Variants in MTDH observed in about 807,000 individuals in gnomAD.
The protein encoded by MTDH is metadherin.
Under a neutral mutation model 72.7 loss-of-function variants are expected in MTDH, and 34 were observed. That is an observed-to-expected ratio of 0.47 (90% confidence interval 0.36 to 0.62). The LOEUF is 0.62. MTDH is among the 20% of genes least tolerant of loss of function. MTDH has a pLI of 0.00. For missense variants in MTDH, 677 were observed against 699.4 expected (o/e 0.97, Z 0.36); for synonymous variants, 266 against 268.9 (o/e 0.99, Z 0.10).
chr8:97,658,878 T>C (rs1245173526), intron 1 of MTDH, among the ~76,000 whole-genome samples: 3 of 152,146 alleles, frequency 2.0e-5, no homozygotes, highest in African/African-American at 4.8e-5. Flanking sequence ...GTGTGGTGGC[T>C]CACACCTGTA....
At position 97,672,927 on chromosome 8, in the gene MTDH, TAATTTA is replaced by T. The variant is rs531690801; in HGVS notation, c.483+11756_483+11761del. Among the ~76,000 whole-genome samples the T allele has an allele frequency of 2.4e-3, 363 of 152,314 alleles. 17 individuals carry two copies. In the South Asian group the frequency reaches 0.073, roughly 31 times the overall value. On this transcript the variant is annotated intron_variant, in intron 2 of 11. Transcript: ENST00000336273. ...TGAGCCCACTCCAGACATATTTAAA[TAATTTA>T]ATGACTTGGACGATGGATCATGTAT... is the stretch of plus-strand genomic sequence containing the variant.
rs186349879 is a variant in MTDH at position 97,665,458 on chromosome 8, C to A, written c.483+4285C>A. 1.2e-4 allele frequency among the ~76,000 whole-genome samples: 18 copies of A among 152,038 alleles called. No homozygotes were observed. The East Asian group carries it at 3.3e-3, about 28-fold the overall frequency. On this transcript the variant is annotated intron_variant, in intron 2 of 11. Transcript: ENST00000336273. ...TAATAAAAATGTAAGATGTACTTACCCTCAGATTACAGGCTAGTTAAGGAA... is the reference window on the plus strand; with the variant it reads ...TAATAAAAATGTAAGATGTACTTACACTCAGATTACAGGCTAGTTAAGGAA...
At chr8:97,661,918 C>CA (rs11440340) in intron 2 of MTDH, among the ~76,000 whole-genome samples, 26,178 of 110,052 alleles carry the variant, frequency 0.24, 3,692 homozygotes, top group African/African-American at 0.43. Context: ...GACCCTGTCT[C>CA]AAAAAAAAAA....
chr8:97,721,679 G>A (rs1373604971), intron 10 of MTDH, among the ~76,000 whole-genome samples: 1 of 152,118 alleles, frequency 6.6e-6, no homozygotes, highest in African/African-American at 2.4e-5. Flanking sequence ...ACAACCCGAA[G>A]GCACTCCAAA....
In MTDH at chr8:97,644,234, C is replaced by G. The variant is rs1467523127; in HGVS notation, c.-273C>G. Reference sequence around the variant, plus strand: ...GGACAGCGGGGCCTGGCGCTGGCGCCGAGACGCCGCTTAGCGGCCGCCACT... The same window carrying G: ...GGACAGCGGGGCCTGGCGCTGGCGCGGAGACGCCGCTTAGCGGCCGCCACT... On this transcript the variant is annotated 5_prime_UTR_variant, in exon 1 of 12. Transcript: ENST00000336273. 4 of 481,670 alleles carry G rather than the reference C, an allele frequency of 8.3e-6. No individual in the cohort carries two copies. The highest frequency in any genetic ancestry group is 3.1e-5 in the South Asian group (1 of 31,830). 29.8% of individuals were successfully genotyped at this position (481,670 alleles called of 1,614,324 possible).
intron 10 of MTDH, among the ~76,000 whole-genome samples, chr8:97,721,090 C>A (rs886216654): frequency 3.9e-5 from 6 of 152,064 alleles, no homozygotes; most frequent in Non-Finnish European, 5.9e-5. Flanking sequence ...AATAAAACTT[C>A]TGGATATGAA....
At chr8:97,697,142 A>ATTTTT (rs1563554116) in intron 6 of MTDH, among the ~76,000 whole-genome samples, 1 of 76,934 alleles carries the variant, frequency 1.3e-5, no homozygotes, top group African/African-American at 9.5e-5. Context: ...ATATATATAT[A>ATTTTT]TATATATATT....
At chr8:97,704,857 G>A (rs923566123) in intron 7 of MTDH, among the ~76,000 whole-genome samples, 1 of 152,096 alleles carries the variant, frequency 6.6e-6, no homozygotes, top group African/African-American at 2.4e-5. Context: ...CTAGCAGAAA[G>A]TAAATAGGAG....
Position 97,730,258 on chromosome 8 carries a change from C to A in MTDH, c.*5588C>A, listed in dbSNP as rs1349684227. Among the ~76,000 whole-genome samples the A allele has an allele frequency of 6.6e-6, 1 of 152,154 alleles. No individual in the cohort carries two copies. Among genetic ancestry groups the A allele is most frequent in the African/African-American group, 2.4e-5 (1 of 41,432 alleles). Reference sequence around the variant, plus strand: ...AATAAAATGAACACATCTGAAACCACCATTCTGCTCAAGAAATATAACATT... The same window carrying A: ...AATAAAATGAACACATCTGAAACCAACATTCTGCTCAAGAAATATAACATT... On this transcript the variant is annotated 3_prime_UTR_variant, in exon 12 of 12. Transcript: ENST00000336273.
Position 97,719,095 on chromosome 8 carries a change from A to G in MTDH, c.1427A>G (p.Asn476Ser). Residue 476 changes from asparagine to serine, a missense_variant, in exon 10 of 12, where the codon AAT becomes AGT. Physicochemically the swap from Asn to Ser is conservative, Grantham distance 46. Coordinates refer to ENST00000336273, the MANE Select transcript of MTDH (RefSeq NM_178812.4). ...EKEIREDLPV[N>S]TSKTRPKQEK... ...GAGATTAGAGAAGACCTTCCAGTGA[A>G]TACCTCTAAAACCCGTCCAAAACAG... The G allele has an allele frequency of 3.1e-6, 5 of 1,613,544 alleles. No individual in the cohort carries two copies. Among genetic ancestry groups the G allele is most frequent in the Non-Finnish European group, 2.5e-6 (3 of 1,179,578 alleles).
chr8:97,726,898 C>A lies in MTDH; in HGVS notation c.*2228C>A, dbSNP rs1170850311. On this transcript the variant is annotated 3_prime_UTR_variant, in exon 12 of 12. Coordinates refer to ENST00000336273, the MANE Select transcript of MTDH (RefSeq NM_178812.4). ...GACCAGCCTGGCCAAGAGGGTGAAA[C>A]CCCATCTTTACTAAAAATACAAAAA... 6.6e-6 allele frequency: 1 copy of A among 150,758 alleles called. No homozygotes were observed. Among genetic ancestry groups the A allele is most frequent in the Admixed American group, 6.7e-5 (1 of 14,856 alleles). 9.3% of individuals were successfully genotyped at this position (150,758 alleles called of 1,614,324 possible). A position where few individuals can be genotyped will look rare whatever the true frequency, so the allele number is the denominator to read the frequency against.
At chr8:97,693,204 G>A (rs1251719664) in intron 6 of MTDH, among the ~76,000 whole-genome samples, 1 of 152,096 alleles carries the variant, frequency 6.6e-6, no homozygotes, top group Admixed American at 6.6e-5. Flanking sequence ...GCTTACCAAG[G>A]TTGGGGATTT....
intron 2 of MTDH, among the ~76,000 whole-genome samples, chr8:97,669,528 C>T (rs990672618): frequency 6.6e-6 from 1 of 152,150 alleles, no homozygotes; most frequent in African/African-American, 2.4e-5. Flanking sequence ...ATATTTTCCC[C>T]TCTCCGCCAC....
chr8:97,723,017 A>G lies in MTDH; in HGVS notation c.1660A>G (p.Ser554Gly). Residue 554 changes from serine to glycine, a missense_variant, in exon 11 of 12, where the codon AGT becomes GGT. Ser to Gly is a moderately conservative substitution (Grantham distance 56). Transcript: ENST00000336273. ...ATCCAAGTCAAATACCAAGCAAAAT[A>G]GTGTGCCTCCTTCACAGAGTAAGTA... The part of the protein sequence containing the change: ...DKSKSNTKQN[S>G]VPPSQTKSET... 1 of 1,613,978 alleles carries G rather than the reference A, an allele frequency of 6.2e-7. No homozygotes were observed.
At chr8:97,654,171 A>T (rs1266688323) in intron 1 of MTDH, among the ~76,000 whole-genome samples, 1 of 152,180 alleles carries the variant, frequency 6.6e-6, no homozygotes. Context: ...ATATAGTGAG[A>T]TTTTGCAAAT....
intron 10 of MTDH, among the ~76,000 whole-genome samples, chr8:97,719,811 A>G (rs1008293098): frequency 2.0e-5 from 3 of 152,170 alleles, no homozygotes; most frequent in African/African-American, 7.2e-5. Context: ...CCCCCAATAT[A>G]TGTACATAAT....
chr8:97,672,810 G>T (rs1204501926), intron 2 of MTDH, among the ~76,000 whole-genome samples: 1 of 152,238 alleles, frequency 6.6e-6, no homozygotes. Flanking sequence ...AAAGTTCAAA[G>T]CTAGATAAAA....
chr8:97,693,664 T>C (rs962176979), intron 6 of MTDH, among the ~76,000 whole-genome samples: 3 of 152,180 alleles, frequency 2.0e-5, no homozygotes, highest in African/African-American at 7.2e-5. Flanking sequence ...GAATTGTCTG[T>C]TCTTGTTATT....
At chr8:97,647,299 G>T (rs1024076098) in intron 1 of MTDH, among the ~76,000 whole-genome samples, 2 of 152,174 alleles carry the variant, frequency 1.3e-5, no homozygotes, top group Admixed American at 6.5e-5. Flanking sequence ...ACCCAGGTGG[G>T]CGTGAAAGGC....
Sources: allele counts gnomAD v4.1 joint callset (sites outside exome capture counted in the v4.1 genomes callset), GRCh38; gene constraint gnomAD v4.1.1; transcripts MANE v1.5; gene names NCBI Gene and HGNC (gene_info 2026-07-23, HGNC 2026-07-21).